ZNF493: variants seen among roughly 807,000 people sequenced by gnomAD.
The protein encoded by ZNF493 is zinc finger protein 493.
A neutral mutation model predicts 12.2 loss-of-function variants in ZNF493; 11 were observed. That is an observed-to-expected ratio of 0.90 (90% CI 0.57 to 1.50). The LOEUF (loss-of-function observed/expected upper bound fraction) is 1.50, where lower values mean the gene tolerates loss of function less well. ZNF493 is among the 40% of genes most tolerant of loss of function. ZNF493 has a pLI of 0.00. For missense variants in ZNF493, 950 were observed against 906.6 expected (o/e 1.05, Z -0.61); for synonymous variants, 286 against 302.6 (o/e 0.95, Z 0.57).
intron 3 of ZNF493, among the ~76,000 whole-genome samples, chr19:21,410,060 GTATATATATATATATATA>G (rs60038018): frequency 1.1e-4 from 5 of 43,966 alleles, no homozygotes; most frequent in African/African-American, 3.3e-4. Context: ...TTCATTGTGT[GTATATATATATATATATA>G]TATATATATA....
At chr19:21,398,677 CT>C in intron 1 of ZNF493, 1 of 356,820 alleles carries the variant, frequency 2.8e-6, no homozygotes, top group East Asian at 9.4e-5. Context: ...TGAGGGGAAT[CT>C]TCCGGTGTAC....
At chr19:21,399,819 A>G (rs1000875908) in intron 1 of ZNF493, among the ~76,000 whole-genome samples, 1 of 152,200 alleles carries the variant, frequency 6.6e-6, no homozygotes, top group African/African-American at 2.4e-5. Context: ...TTTGCTGTAG[A>G]AAATGAATAC....
At chr19:21,417,069 G>A (rs1428381319) in intron 3 of ZNF493, among the ~76,000 whole-genome samples, 1 of 152,152 alleles carries the variant, frequency 6.6e-6, no homozygotes, top group African/African-American at 2.4e-5. Flanking sequence ...TTAGAACGGG[G>A]CCTGAGACAG....
At chr19:21,405,723 A>G (rs370856137) in intron 2 of ZNF493, 38 bp from the exon 3 acceptor site, 1 of 1,554,542 alleles carries the variant, frequency 6.4e-7, no homozygotes, top group Non-Finnish European at 8.9e-7. Context: ...ATTAGAGAAT[A>G]TGAGCAAGAT....
In ZNF493 at chr19:21,405,110, TTGTG is replaced by T. The variant is rs751481423; in HGVS notation, c.31-13_31-10del. ...TAAATGTGTGTGTGTGTGTGTGTGT[TTGTG>T]TGTGTTTGTTTCAGGGGCCGTTGAC... On this transcript the variant is annotated splice_polypyrimidine_tract_variant and intron_variant, in intron 1 of 3. Coordinates refer to ENST00000392288, the MANE Select transcript of ZNF493 (RefSeq NM_001076678.3). 5.7e-5 allele frequency: 89 copies of T among 1,570,044 alleles called. No homozygotes were observed. The highest frequency in any genetic ancestry group is 7.3e-5 in the Non-Finnish European group (84 of 1,154,028).
At chr19:21,420,602 TATATATATATA>T (rs2030631237) in intron 3 of ZNF493, among the ~76,000 whole-genome samples, 1 of 12,890 alleles carries the variant, frequency 7.8e-5, no homozygotes, top group South Asian at 2.6e-3. Flanking sequence ...TATATATATA[TATATATATATA>T]TATATATATA....
chr19:21,397,215 A>G lies in ZNF493; in HGVS notation c.-23A>G. On this transcript the variant is annotated 5_prime_UTR_variant, in exon 1 of 4. Transcript: ENST00000392288. ...GCGTGTGTGGCTTCGTGACCTGAAG[A>G]TACTGGGAAATCCATAGCTAAGATG... The G allele has an allele frequency of 6.2e-7, 1 of 1,614,168 alleles. No individual in the cohort carries two copies. Among genetic ancestry groups the G allele is most frequent in the South Asian group, 1.1e-5 (1 of 91,082 alleles).
chr19:21,417,337 A>G (rs2030525611), intron 3 of ZNF493, among the ~76,000 whole-genome samples: 1 of 152,108 alleles, frequency 6.6e-6, no homozygotes, highest in African/African-American at 2.4e-5. Flanking sequence ...TGCCTGTGCT[A>G]GCAGAGTAGC....
rs2030876026 is a variant in ZNF493 at position 21,427,190 on chromosome 19, G to A, written c.*2206G>A. The A allele has an allele frequency of 6.0e-6, 1 of 166,974 alleles. No homozygotes were observed. The highest frequency in any genetic ancestry group is 1.5e-5 in the Non-Finnish European group (1 of 68,092). 10.3% of individuals were successfully genotyped at this position (166,974 alleles called of 1,614,324 possible). On this transcript the variant is annotated 3_prime_UTR_variant, in exon 4 of 4. Coordinates refer to ENST00000392288, the MANE Select transcript of ZNF493 (RefSeq NM_001076678.3). ...AAATCTAAGTGGAGAGGTTCTTTGT[G>A]GTTAACTTATACTATTGAGTGATGC...
At chr19:21,419,676 T>C (rs1382951574) in intron 3 of ZNF493, among the ~76,000 whole-genome samples, 3 of 152,122 alleles carry the variant, frequency 2.0e-5, no homozygotes, top group Non-Finnish European at 2.9e-5. Context: ...CAAATGTTAA[T>C]CTCCCTTGGC....
chr19:21,407,298 T>TA (rs1458350300), intron 3 of ZNF493, among the ~76,000 whole-genome samples: 5 of 151,112 alleles, frequency 3.3e-5, no homozygotes, highest in African/African-American at 9.7e-5. Context: ...TTATTATTAT[T>TA]TTTTTTTTGA....
At chr19:21,415,212 G>T (rs994034438) in intron 3 of ZNF493, among the ~76,000 whole-genome samples, 1 of 152,054 alleles carries the variant, frequency 6.6e-6, no homozygotes, top group Non-Finnish European at 1.5e-5. Context: ...TCTTCTCTGG[G>T]TCTATTCTAT....
At chr19:21,402,911 T>G (rs182874386) in intron 1 of ZNF493, among the ~76,000 whole-genome samples, 2,203 of 152,248 alleles carry the variant, frequency 0.014, 50 homozygotes, top group African/African-American at 0.051. Context: ...CTTGTCCTTC[T>G]TACCCAAAAG....
intron 1 of ZNF493, among the ~76,000 whole-genome samples, chr19:21,400,133 C>T (rs1354624693): frequency 6.6e-6 from 1 of 152,182 alleles, no homozygotes; most frequent in Admixed American, 6.5e-5. Context: ...GCAACTTGGC[C>T]GGGCGCGGTG....
intron 3 of ZNF493, among the ~76,000 whole-genome samples, chr19:21,411,103 A>G (rs960979614): frequency 4.6e-5 from 7 of 152,006 alleles, no homozygotes; most frequent in Non-Finnish European, 8.8e-5. Flanking sequence ...TGTCTACGGA[A>G]TTTTTTTGTA....
intron 3 of ZNF493, among the ~76,000 whole-genome samples, chr19:21,415,104 A>G (rs972332463): frequency 2.0e-5 from 3 of 151,936 alleles, no homozygotes; most frequent in African/African-American, 7.2e-5. Context: ...GAGTCCATGA[A>G]TTAGTATGTG....
Position 21,408,026 on chromosome 19 carries a change from T to C in ZNF493, c.253+2170T>C, listed in dbSNP as rs1035650656. 9 of 985,028 alleles carry C rather than the reference T, an allele frequency of 9.1e-6. No individual in the cohort carries two copies. In the Admixed American group the frequency reaches 3.1e-4, roughly 34 times the overall value. The allele number at this position is 985,028 out of a possible 1,614,324, so 61.0% of individuals were successfully genotyped here. On this transcript the variant is annotated intron_variant, in intron 3 of 3. Coordinates refer to ENST00000392288, the MANE Select transcript of ZNF493 (RefSeq NM_001076678.3). ...CTCTGGGTTTGTAGTGGAGTGGGGT[T>C]GTAACTTGGTTGCAAGGCTGCTGGT...
At chr19:21,414,448 C>A (rs558611198) in intron 3 of ZNF493, 1 of 152,194 alleles carries the variant, frequency 6.6e-6, no homozygotes, top group Non-Finnish European at 1.5e-5. Context: ...ATTGCGTTAG[C>A]AACTAGGCAA....
chr19:21,415,755 T>C (rs2030470149), intron 3 of ZNF493, among the ~76,000 whole-genome samples: 1 of 152,166 alleles, frequency 6.6e-6, no homozygotes, highest in African/African-American at 2.4e-5. Flanking sequence ...CTTAGCAGGC[T>C]GCTAAGCGTT....
Sources: gnomAD v4.1 joint callset for allele counts (sites outside exome capture counted in the v4.1 genomes callset) on GRCh38, gnomAD v4.1.1 for gene constraint, MANE v1.5 for transcripts, NCBI Gene and HGNC (gene_info 2026-07-23, HGNC 2026-07-21) for gene names.